The following WIPF1 variants were observed in gnomAD, a reference collection of about 807,000 sequenced individuals.
WIPF1 encodes the protein WAS/WASL interacting protein family member 1.
WIPF1 carries 13 observed loss-of-function variants against 35.4 expected under a neutral mutation model. That is an observed-to-expected ratio of 0.37 (90% confidence interval 0.24 to 0.58). The LOEUF (loss-of-function observed/expected upper bound fraction) is 0.58, where lower values mean the gene tolerates loss of function less well. WIPF1 is among the 20% of genes least tolerant of loss of function. WIPF1 has a pLI of 0.74. For synonymous variants in WIPF1, 267 were observed against 266.3 expected (o/e 1.00, Z -0.02); for missense variants, 591 against 667.0 (o/e 0.89, Z 1.25).
intron 1 of WIPF1, among the ~76,000 whole-genome samples, chr2:174,591,660 C>A (rs1310817084): frequency 7.1e-6 from 1 of 140,224 alleles, no homozygotes; most frequent in African/African-American, 2.8e-5. Flanking sequence ...ATTACTGTTT[C>A]TTCTTTGTTG....
chr2:174,610,487 T>A (rs1349889978), intron 1 of WIPF1, among the ~76,000 whole-genome samples: 1 of 151,934 alleles, frequency 6.6e-6, no homozygotes, highest in African/African-American at 2.4e-5. Context: ...AAATTTGGGG[T>A]ATAAAAACCA....
chr2:174,628,015 G>C (rs1382692293), intron 1 of WIPF1, among the ~76,000 whole-genome samples: 1 of 152,174 alleles, frequency 6.6e-6, no homozygotes, highest in East Asian at 1.9e-4. Flanking sequence ...CTTGGGGAGG[G>C]GTAGAACACT....
At chr2:174,639,926 C>A (rs906398178) in intron 1 of WIPF1, among the ~76,000 whole-genome samples, 2 of 151,972 alleles carry the variant, frequency 1.3e-5, no homozygotes, top group Non-Finnish European at 2.9e-5. Context: ...TTCTGCATGT[C>A]CTATCTAAAG....
rs1356708559 is a variant in WIPF1, at chr2:174,571,034, C to T, written c.1129+642G>A. 2 of 155,732 alleles carry T rather than the reference C, an allele frequency of 1.3e-5. No individual in the cohort carries two copies. The highest frequency in any genetic ancestry group is 2.9e-5 in the Non-Finnish European group (2 of 70,138). 9.6% of individuals were successfully genotyped at this position (155,732 alleles called of 1,614,324 possible). A position where few individuals can be genotyped will look rare whatever the true frequency, so the allele number is the denominator to read the frequency against. ...GGGCATTGGAAGGGTCTCAGATGGG[C>T]TTCAGCAGGCTCTTCAAGCCATGTG... On this transcript the variant is annotated intron_variant, in intron 5 of 7. Coordinates refer to ENST00000679041, the MANE Select transcript of WIPF1 (RefSeq NM_001375834.1). This position sits in a 1 kb window ranked among gnomAD's most constrained non-coding sequence, Gnocchi z 4.6.
chr2:174,563,623 C>T (rs1431593575), intron 7 of WIPF1, among the ~76,000 whole-genome samples: 1 of 152,146 alleles, frequency 6.6e-6, no homozygotes, highest in Non-Finnish European at 1.5e-5. Context: ...TCCACTGTAA[C>T]TAGGCTTAAA....
intron 1 of WIPF1, among the ~76,000 whole-genome samples, chr2:174,674,456 A>T (rs1688087830): frequency 6.6e-6 from 1 of 152,240 alleles, no homozygotes; most frequent in Non-Finnish European, 1.5e-5. Flanking sequence ...CTTTTAGAAG[A>T]GGAAAATTGG....
At chr2:174,583,134 G>A (rs921049149) in intron 2 of WIPF1, among the ~76,000 whole-genome samples, 8 of 152,150 alleles carry the variant, frequency 5.3e-5, no homozygotes, top group Non-Finnish European at 1.5e-5. Context: ...CCAACACACC[G>A]CTGAAGCATG....
chr2:174,579,712 G>A (rs1487599742), intron 3 of WIPF1, among the ~76,000 whole-genome samples: 2 of 152,180 alleles, frequency 1.3e-5, no homozygotes, highest in Non-Finnish European at 2.9e-5. Context: ...GTGGATTCAG[G>A]AATAGGTCTA....
At chr2:174,618,213 T>G (rs190217561) in intron 1 of WIPF1, among the ~76,000 whole-genome samples, 18 of 152,336 alleles carry the variant, frequency 1.2e-4, no homozygotes, top group African/African-American at 4.3e-4. Context: ...CATGGTCAAC[T>G]GGACCAGGCC....
intron 1 of WIPF1, among the ~76,000 whole-genome samples, chr2:174,634,191 A>G (rs1687113314): frequency 1.3e-5 from 2 of 152,188 alleles, no homozygotes; most frequent in Non-Finnish European, 1.5e-5. Flanking sequence ...CCCGTTTCAC[A>G]TTTACATTAA....
intron 1 of WIPF1, among the ~76,000 whole-genome samples, chr2:174,670,088 A>G (rs1559177979): frequency 6.6e-6 from 1 of 152,082 alleles, no homozygotes; most frequent in Non-Finnish European, 1.5e-5. Context: ...CTAAAGGCAG[A>G]TCCCAGCTTA....
At chr2:174,613,143 G>GAC (rs1686403236) in intron 1 of WIPF1, among the ~76,000 whole-genome samples, 1 of 49,782 alleles carries the variant, frequency 2.0e-5, no homozygotes, top group African/African-American at 9.1e-5. Context: ...TGCACATGCA[G>GAC]ACGTGTAAAC....
chr2:174,674,802 T>C (rs1688094166), intron 1 of WIPF1, among the ~76,000 whole-genome samples: 1 of 152,116 alleles, frequency 6.6e-6, no homozygotes, highest in South Asian at 2.1e-4. Flanking sequence ...TCAAATAGTG[T>C]CAGTGAGACT....
At chr2:174,586,627 A>C (rs535210940) in intron 1 of WIPF1, among the ~76,000 whole-genome samples, 11 of 152,222 alleles carry the variant, frequency 7.2e-5, no homozygotes, top group Non-Finnish European at 1.5e-5. Context: ...TAATCCTTGC[A>C]GTCCTGTTCC....
intron 1 of WIPF1, among the ~76,000 whole-genome samples, chr2:174,606,421 CTGG>C (rs1351532937): frequency 1.3e-5 from 2 of 152,152 alleles, no homozygotes; most frequent in Non-Finnish European, 2.9e-5. Flanking sequence ...TCTTCAGAAA[CTGG>C]TGTTTACTTT....
intron 6 of WIPF1, among the ~76,000 whole-genome samples, 178 bp from the exon 7 acceptor site, chr2:174,567,361 T>C (rs1684694886): frequency 6.6e-6 from 1 of 152,316 alleles, no homozygotes; most frequent in Admixed American, 6.5e-5. Flanking sequence ...TACACTGACA[T>C]ATATACAGGC....
At chr2:174,576,514 A>C (rs1235053967) in intron 3 of WIPF1, among the ~76,000 whole-genome samples, 1 of 152,202 alleles carries the variant, frequency 6.6e-6, no homozygotes, top group Non-Finnish European at 1.5e-5. Flanking sequence ...TTAATTTTTT[A>C]ATATCATGAA....
rs1159115779 is a variant in WIPF1 at position 174,627,421 on chromosome 2, CCTT to C, written c.-38-41813_-38-41811del. On this transcript the variant is annotated intron_variant, in intron 1 of 8. Coordinates refer to the WIPF1 transcript ENST00000272746. Reference sequence around the variant, plus strand: ...TTCTTTTCTTTTTCTTTTCTTCTTTCCTTCTTTCTTTCCTTTCTCTTTCTTTCC... The same window carrying C: ...TTCTTTTCTTTTTCTTTTCTTCTTTCCTTTCTTTCCTTTCTCTTTCTTTCC... 5.3e-5 allele frequency among the ~76,000 whole-genome samples: 8 copies of C among 151,458 alleles called. No homozygotes were observed. In the South Asian group the frequency reaches 6.3e-4, roughly 12 times the overall value.
intron 1 of WIPF1, among the ~76,000 whole-genome samples, chr2:174,588,392 C>A (rs1356811905): frequency 6.6e-6 from 1 of 152,116 alleles, no homozygotes; most frequent in Non-Finnish European, 1.5e-5. Context: ...TAACAGGAAC[C>A]TCTTATGGGT....
Sources: allele counts gnomAD v4.1 joint callset (sites outside exome capture counted in the v4.1 genomes callset), GRCh38; gene constraint gnomAD v4.1.1; non-coding constraint Gnocchi (gnomAD v3.1); transcripts MANE v1.5; gene names NCBI Gene and HGNC (gene_info 2026-07-23, HGNC 2026-07-21).